The following NAALADL2 variants were observed in gnomAD, a reference collection of about 807,000 sequenced individuals.
The protein encoded by NAALADL2 is N-acetylated alpha-linked acidic dipeptidase like 2, also known as inactive N-acetylated-alpha-linked acidic dipeptidase-like protein 2.
NAALADL2 carries 76 observed loss-of-function variants against 87.2 expected under a neutral mutation model. That is an observed-to-expected ratio of 0.87 (90% CI 0.72 to 1.05). NAALADL2 has a LOEUF of 1.05. Ranked by LOEUF, NAALADL2 falls within the 50% of genes least tolerant of loss-of-function variation. NAALADL2 has a pLI of 0.00. For synonymous variants in NAALADL2, 354 were observed against 331.0 expected (o/e 1.07, Z -0.75); for missense variants, 1,089 against 945.8 (o/e 1.15, Z -1.99).
At position 175,324,346 on chromosome 3, in the gene NAALADL2, T is replaced by G. The variant is rs75057468; in HGVS notation, c.1090+21T>G. Reference sequence around the variant, plus strand: ...TGTCGGTAAGTTTGTTGGTCATCATTATTATACTTGTAAGTAAGCATTACA... The same window carrying G: ...TGTCGGTAAGTTTGTTGGTCATCATGATTATACTTGTAAGTAAGCATTACA... On this transcript the variant is annotated intron_variant, in intron 5 of 13. Transcript: ENST00000454872. 6.8e-4 allele frequency: 1,085 copies of G among 1,600,050 alleles called. 26 individuals are homozygous for G. The East Asian group carries it at 0.024, about 36-fold the overall frequency.
chr3:174,514,574 G>C (rs1045673427), intron 1 of NAALADL2, among the ~76,000 whole-genome samples: 1 of 152,048 alleles, frequency 6.6e-6, no homozygotes, highest in African/African-American at 2.4e-5. Context: ...CTTTTCTATA[G>C]GGAAATGAAA....
intron 2 of NAALADL2, among the ~76,000 whole-genome samples, chr3:174,633,353 C>A: frequency 6.6e-6 from 1 of 152,100 alleles, no homozygotes; most frequent in East Asian, 1.9e-4. Flanking sequence ...CTAGAAGAGT[C>A]TTTAAAACAC....
At chr3:175,610,284 A>T (rs762726867) in intron 10 of NAALADL2, among the ~76,000 whole-genome samples, 1 of 152,152 alleles carries the variant, frequency 6.6e-6, no homozygotes, top group Admixed American at 6.6e-5. Context: ...AATGGCATTT[A>T]TCTACATTTC....
intron 1 of NAALADL2, among the ~76,000 whole-genome samples, chr3:174,869,233 G>A (rs1484767668): frequency 6.6e-6 from 1 of 152,114 alleles, no homozygotes; most frequent in Non-Finnish European, 1.5e-5. Flanking sequence ...ATAACTTTAA[G>A]AAGCTTAAAA....
intron 6 of NAALADL2, among the ~76,000 whole-genome samples, chr3:175,451,942 T>C (rs1168972241): frequency 6.6e-6 from 1 of 152,160 alleles, no homozygotes; most frequent in East Asian, 1.9e-4. Flanking sequence ...TCCTAATCTG[T>C]TAGTAGTTAC....
At chr3:175,267,242 A>G (rs950337173) in intron 4 of NAALADL2, among the ~76,000 whole-genome samples, 48 of 152,088 alleles carry the variant, frequency 3.2e-4, no homozygotes, top group Admixed American at 3.3e-4. Context: ...CTTATTATGA[A>G]TCACTAAATA....
At chr3:174,590,222 G>A (rs685963) in intron 2 of NAALADL2, among the ~76,000 whole-genome samples, 29,197 of 151,444 alleles carry the variant, frequency 0.19, 3,103 homozygotes, top group African/African-American at 0.27. Flanking sequence ...TTGGTAATCA[G>A]CTCAACTAGA....
At chr3:174,754,349 A>C (rs1052444034) in intron 3 of NAALADL2, among the ~76,000 whole-genome samples, 2 of 152,164 alleles carry the variant, frequency 1.3e-5, no homozygotes, top group East Asian at 1.9e-4. Context: ...GTTTAAATGC[A>C]TAAATTATTT....
At chr3:175,608,921 A>C (rs921356224) in intron 10 of NAALADL2, among the ~76,000 whole-genome samples, 3 of 151,106 alleles carry the variant, frequency 2.0e-5, no homozygotes. Flanking sequence ...ATAAATGCTG[A>C]TGTGTACCAC....
At chr3:175,170,901 T>G (rs1734708237) in intron 2 of NAALADL2, among the ~76,000 whole-genome samples, 1 of 151,730 alleles carries the variant, frequency 6.6e-6, no homozygotes, top group Admixed American at 6.6e-5. Context: ...AAAACATATA[T>G]AAGAGATTAA....
At chr3:175,669,777 A>G (rs1178064392) in intron 11 of NAALADL2, among the ~76,000 whole-genome samples, 1 of 151,992 alleles carries the variant, frequency 6.6e-6, no homozygotes, top group Non-Finnish European at 1.5e-5. Context: ...TGAAAGCAGT[A>G]TTCATTTAAA....
intron 13 of NAALADL2, among the ~76,000 whole-genome samples, chr3:175,766,913 CAA>C (rs968092821): frequency 6.6e-6 from 1 of 151,284 alleles, no homozygotes. Context: ...CTGTAAGCCA[CAA>C]AAAAAATACG....
At chr3:174,585,050 T>TA (rs1560072799) in intron 2 of NAALADL2, among the ~76,000 whole-genome samples, 1 of 152,074 alleles carries the variant, frequency 6.6e-6, no homozygotes, top group East Asian at 1.9e-4. Context: ...AAGCTCTTTT[T>TA]ATCTGTATAT....
At chr3:175,600,883 G>T (rs950660436) in intron 10 of NAALADL2, among the ~76,000 whole-genome samples, 9 of 152,020 alleles carry the variant, frequency 5.9e-5, no homozygotes, top group East Asian at 1.9e-4. Flanking sequence ...AGACCATGTG[G>T]CATTGAATTA....
intron 11 of NAALADL2, among the ~76,000 whole-genome samples, chr3:175,719,610 A>G (rs1454937557): frequency 6.6e-6 from 1 of 152,208 alleles, no homozygotes; most frequent in Non-Finnish European, 1.5e-5. Context: ...AACATAGAAT[A>G]GGTCATGCCA....
chr3:175,755,816 A>G (rs1407021310), intron 13 of NAALADL2, among the ~76,000 whole-genome samples: 2 of 151,254 alleles, frequency 1.3e-5, no homozygotes, highest in African/African-American at 4.9e-5. Flanking sequence ...CCTGGAAACT[A>G]CATTTTATGT....
chr3:175,067,593 C>T (rs1305040596), intron 1 of NAALADL2, among the ~76,000 whole-genome samples: 2 of 152,032 alleles, frequency 1.3e-5, no homozygotes, highest in Admixed American at 6.6e-5. Flanking sequence ...CAAAAAATAA[C>T]AGATGCTGCA....
chr3:175,431,356 T>G (rs541565810), intron 5 of NAALADL2, among the ~76,000 whole-genome samples: 1 of 152,106 alleles, frequency 6.6e-6, no homozygotes, highest in East Asian at 1.9e-4. Flanking sequence ...GCAATAGAGA[T>G]TTTTTGTTTG....
intron 2 of NAALADL2, among the ~76,000 whole-genome samples, chr3:175,151,110 A>T (rs1731480924): frequency 6.6e-6 from 1 of 152,118 alleles, no homozygotes; most frequent in Non-Finnish European, 1.5e-5. Context: ...TTTGGCTGGC[A>T]CTCCACCCAT....
Sources: allele counts gnomAD v4.1 joint callset (sites outside exome capture counted in the v4.1 genomes callset), GRCh38; gene constraint gnomAD v4.1.1; transcripts MANE v1.5; gene names NCBI Gene and HGNC (gene_info 2026-07-23, HGNC 2026-07-21).